TULP4: variants seen among roughly 807,000 people sequenced by gnomAD.
TULP4 encodes the protein TUB like protein 4, also known as tubby-related protein 4.
In TULP4, 16 loss-of-function variants were observed where a neutral mutation model predicts 129.0. The observed-to-expected ratio is 0.12, with a 90% CI of 0.08 to 0.19. The LOEUF (loss-of-function observed/expected upper bound fraction) is 0.19, where lower values mean the gene tolerates loss of function less well. Ranked by LOEUF, TULP4 falls within the 10% of genes least tolerant of loss-of-function variation. The pLI, the probability that TULP4 is intolerant of heterozygous loss-of-function variation, is 1.00. For missense variants in TULP4, 1,842 were observed against 2,059.1 expected, an observed-to-expected ratio of 0.89 and a Z score of 2.04; for synonymous variants, 998 against 854.0, an observed-to-expected ratio of 1.17 and a Z score of -2.94.
In TULP4 at chr6:158,427,470, C is replaced by CTTTTTTTTT. The variant is rs1251385882; in HGVS notation, c.382-2266_382-2265insTTTTTTTTT. Among the ~76,000 whole-genome samples, 42 of 100,682 alleles carry CTTTTTTTTT rather than the reference C, an allele frequency of 4.2e-4. 1 individual carries two copies. Among genetic ancestry groups the CTTTTTTTTT allele is most frequent in the Non-Finnish European group, 7.2e-4 (37 of 51,414 alleles). The allele number at this position is 100,682 out of a possible 152,430, so 66.1% of individuals were successfully genotyped here. On this transcript the variant is annotated intron_variant, in intron 2 of 13. Coordinates refer to ENST00000367097, the MANE Select transcript of TULP4 (RefSeq NM_020245.5). The stretch of plus-strand genomic sequence containing the variant: ...CAAATTCCTTTTCAAAATTATCAGA[C>CTTTTTTTTT]CTTTTTTTTTTTTTTTTTTTTTTTT...
At chr6:158,439,373 G>T (rs1243006828) in intron 3 of TULP4, among the ~76,000 whole-genome samples, 1 of 152,052 alleles carries the variant, frequency 6.6e-6, no homozygotes, top group East Asian at 1.9e-4. Context: ...GCAGAATTCA[G>T]CCTCAACAAC....
intron 1 of TULP4, among the ~76,000 whole-genome samples, chr6:158,360,250 T>C (rs78432350): frequency 0.018 from 2,713 of 152,180 alleles, 36 homozygotes; most frequent in Middle Eastern, 0.034. Context: ...TCCTGTACAG[T>C]GTCACTCCGG....
chr6:158,242,404 C>A (rs765544657), intron 1 of TULP4: 10 of 1,407,506 alleles, frequency 7.1e-6, no homozygotes, highest in Non-Finnish European at 1.0e-5. Flanking sequence ...TCATAAGCAT[C>A]GTGGGAGTTT....
At chr6:158,397,253 T>C (rs1484538066) in intron 1 of TULP4, among the ~76,000 whole-genome samples, 1 of 152,224 alleles carries the variant, frequency 6.6e-6, no homozygotes, top group African/African-American at 2.4e-5. Context: ...TGGTCACTTG[T>C]GCTGTTACTC....
At chr6:158,391,911 T>G (rs1355984305) in intron 1 of TULP4, among the ~76,000 whole-genome samples, 1 of 152,210 alleles carries the variant, frequency 6.6e-6, no homozygotes, top group Middle Eastern at 3.2e-3. Context: ...TGCTCACTTC[T>G]TTTTTCTTAG....
intron 8 of TULP4, among the ~76,000 whole-genome samples, chr6:158,481,849 A>T (rs530394278): frequency 6.6e-6 from 1 of 152,276 alleles, no homozygotes; most frequent in East Asian, 1.9e-4. Flanking sequence ...TGCTCAGTTA[A>T]TGTATTCAAG....
rs1191354523 is a variant in TULP4, at chr6:158,314,179, G to A, written c.163G>A (p.Val55Ile). ...GGCCACGGGCAACGGGCGAGGAGTG[G>A]TTGGGGTGACTTTCACCTCTAGTCA... ...WLATGNGRGV[V>I]GVTFTSSHCR... The change falls in exon 1 of 14, where the codon GTT (valine) becomes ATT (isoleucine). Residue 55 changes from valine to isoleucine, a missense_variant. Physicochemically the swap from Val to Ile is conservative, Grantham distance 29. Transcript: ENST00000367097. 3.1e-6 allele frequency: 5 copies of A among 1,614,054 alleles called. No individual in the cohort carries two copies. Among genetic ancestry groups the A allele is most frequent in the South Asian group, 1.1e-5 (1 of 91,080 alleles).
intron 1 of TULP4, among the ~76,000 whole-genome samples, chr6:158,328,686 AG>A (rs1263784067): frequency 6.6e-6 from 1 of 151,982 alleles, no homozygotes; most frequent in Non-Finnish European, 1.5e-5. Flanking sequence ...TGTGGGGAGG[AG>A]GGACTTTTGC....
At chr6:158,416,167 G>A (rs1036501289) in intron 2 of TULP4, among the ~76,000 whole-genome samples, 3 of 152,186 alleles carry the variant, frequency 2.0e-5, no homozygotes, top group African/African-American at 4.8e-5. Context: ...TTCTAGCTGC[G>A]CTGGCAGCTG....
chr6:158,362,247 C>G (rs1053087875), intron 1 of TULP4, among the ~76,000 whole-genome samples: 7 of 152,282 alleles, frequency 4.6e-5, no homozygotes, highest in African/African-American at 1.4e-4. Flanking sequence ...ATGGAAAACA[C>G]CAAACTTCTT....
chr6:158,237,382 T>G, intron 1 of TULP4: 1 of 1,612,058 alleles, frequency 6.2e-7, no homozygotes, highest in Non-Finnish European at 8.5e-7. Context: ...TTGCTGTTTC[T>G]TTTTTGTTGC....
chr6:158,316,619 T>G (rs1779498299), intron 1 of TULP4, among the ~76,000 whole-genome samples: 1 of 152,194 alleles, frequency 6.6e-6, no homozygotes, highest in African/African-American at 2.4e-5. Flanking sequence ...AATTTTTTTT[T>G]TTATTCTTAT....
intron 1 of TULP4, among the ~76,000 whole-genome samples, chr6:158,395,954 C>A (rs916590055): frequency 6.6e-6 from 1 of 152,030 alleles, no homozygotes; most frequent in African/African-American, 2.4e-5. Context: ...ATATGAAATA[C>A]GATGTCGAGT....
In TULP4 at chr6:158,510,975, T is replaced by G. The variant is rs1392430281; in HGVS notation, c.*4281T>G. ...TAAGCAAAGTTAGTGGAGACAAAAA[T>G]GTGTCCAAAATGTCGTTTGAGTTCC... On this transcript the variant is annotated 3_prime_UTR_variant, in exon 14 of 14. Coordinates refer to ENST00000367097, the MANE Select transcript of TULP4 (RefSeq NM_020245.5). 1 of 152,388 alleles carries G rather than the reference T, an allele frequency of 6.6e-6. No homozygotes were observed. The highest frequency in any genetic ancestry group is 2.4e-5 in the African/African-American group (1 of 41,446). 9.4% of individuals were successfully genotyped at this position (152,388 alleles called of 1,614,324 possible). A position where few individuals can be genotyped will look rare whatever the true frequency, so the allele number is the denominator to read the frequency against.
chr6:158,509,868 T>C lies in TULP4; in HGVS notation c.*3174T>C, dbSNP rs1780697180. 1 of 126,632 alleles carries C rather than the reference T, an allele frequency of 7.9e-6. No homozygotes were observed. The highest frequency in any genetic ancestry group is 1.7e-5 in the Non-Finnish European group (1 of 58,866). 7.8% of individuals were successfully genotyped at this position (126,632 alleles called of 1,614,324 possible). A position where few individuals can be genotyped will look rare whatever the true frequency, so the allele number is the denominator to read the frequency against. On this transcript the variant is annotated 3_prime_UTR_variant, in exon 14 of 14. Coordinates refer to ENST00000367097, the MANE Select transcript of TULP4 (RefSeq NM_020245.5). ...ATAGTGGTGGTCTTATTTTCAACTA[T>C]GCTTTCATTCAGTCAGTCTCTGTTG... is the stretch of plus-strand genomic sequence containing the variant.
chr6:158,334,358 A>T (rs538043370), intron 1 of TULP4, among the ~76,000 whole-genome samples: 1 of 152,366 alleles, frequency 6.6e-6, no homozygotes, highest in East Asian at 1.9e-4. Flanking sequence ...TGCCATATGG[A>T]TAAATACAGT....
intron 1 of TULP4, among the ~76,000 whole-genome samples, chr6:158,369,654 T>G (rs1264682774): frequency 6.6e-6 from 1 of 152,188 alleles, no homozygotes; most frequent in Non-Finnish European, 1.5e-5. Context: ...TGAAGTGGTG[T>G]GTTTTTAAAA....
intron 5 of TULP4, among the ~76,000 whole-genome samples, chr6:158,459,006 C>T (rs1184203172): frequency 3.3e-5 from 5 of 152,180 alleles, no homozygotes; most frequent in African/African-American, 7.2e-5. Context: ...GTTGCTATAT[C>T]GCTTGATGCA....
intron 1 of TULP4, among the ~76,000 whole-genome samples, chr6:158,383,119 A>G (rs2114920456): frequency 6.6e-6 from 1 of 152,226 alleles, no homozygotes; most frequent in African/African-American, 2.4e-5. Context: ...CTTGCCTTAG[A>G]CCATTCTGCT....
Sources: allele counts gnomAD v4.1 joint callset (sites outside exome capture counted in the v4.1 genomes callset), GRCh38; gene constraint gnomAD v4.1.1; transcripts MANE v1.5; gene names NCBI Gene and HGNC (gene_info 2026-07-23, HGNC 2026-07-21).